NDUFA5: variants seen among roughly 807,000 people sequenced by gnomAD.
NDUFA5 encodes the protein NADH dehydrogenase [ubiquinone] 1 alpha subcomplex subunit 5.
NDUFA5 carries 11 observed loss-of-function variants against 19.8 expected under a neutral mutation model. The observed-to-expected ratio is 0.56, with a 90% confidence interval of 0.35 to 0.92. NDUFA5 has a LOEUF of 0.92. Among genes scored for constraint, NDUFA5 ranks in the 40% least tolerant of loss-of-function variants. The pLI is 0.01. For synonymous variants in NDUFA5, 47 were observed against 46.8 expected, an observed-to-expected ratio of 1.00 and a Z score of -0.01; for missense variants, 109 against 134.2, an observed-to-expected ratio of 0.81 and a Z score of 0.93.
upstream of NDUFA5, among the ~76,000 whole-genome samples, chr7:123,561,687 G>A (rs1300309243): frequency 2.6e-5 from 4 of 151,934 alleles, no homozygotes; most frequent in Admixed American, 2.0e-4. Flanking sequence ...AACCTCTGCT[G>A]CCCCAGTTCA....
At chr7:123,557,917 C>G (rs547406192), upstream of NDUFA5, 2 of 1,557,026 alleles carry the variant, frequency 1.3e-6, no homozygotes, top group Non-Finnish European at 8.8e-7. Context: ...CCTTCAGGAT[C>G]GCCAAAGGAG....
At chr7:123,568,028 T>A in the NDUFA5 span, among the ~76,000 whole-genome samples, 1 of 152,178 alleles carries the variant, frequency 6.6e-6, no homozygotes, top group South Asian at 2.1e-4. Context: ...TTTTCAGATA[T>A]GTTGATTTTC....
chr7:123,595,896 A>G, the NDUFA5 span, among the ~76,000 whole-genome samples: 1 of 152,250 alleles, frequency 6.6e-6, no homozygotes, highest in South Asian at 2.1e-4. Flanking sequence ...AAACAGCTTA[A>G]CCAAACCTCA....
intron 2 of NDUFA5, chr7:123,556,996 A>T: frequency 2.2e-6 from 1 of 461,492 alleles, no homozygotes; most frequent in Non-Finnish European, 4.3e-6. Context: ...TCGTGAATAC[A>T]GATGGAAAAG....
chr7:123,595,407 A>G, the NDUFA5 span, among the ~76,000 whole-genome samples: 3 of 152,160 alleles, frequency 2.0e-5, no homozygotes, highest in East Asian at 1.9e-4. Context: ...TTTGTCCTCT[A>G]TACCTTTCTG....
chr7:123,556,853 T>C (rs745811760), intron 2 of NDUFA5: 1 of 511,588 alleles, frequency 2.0e-6, no homozygotes, highest in Non-Finnish European at 3.9e-6. Flanking sequence ...CATTCAAGGG[T>C]GAATAAGAAA....
chr7:123,596,318 T>A, the NDUFA5 span: 1 of 152,056 alleles, frequency 6.6e-6, no homozygotes, highest in Non-Finnish European at 1.5e-5. Flanking sequence ...TGGATTTACA[T>A]TGAAATATTT....
chr7:123,592,183 T>C, the NDUFA5 span, among the ~76,000 whole-genome samples: 2 of 152,172 alleles, frequency 1.3e-5, no homozygotes, highest in South Asian at 4.1e-4. Context: ...TTGATTCTTA[T>C]CTCTTTTCTT....
At position 123,542,310 on chromosome 7, in the gene NDUFA5, C is replaced by T. The variant is rs1797970885; in HGVS notation, c.250-90G>A. The T allele has an allele frequency of 2.0e-5, 17 of 870,100 alleles. No homozygotes were observed. The East Asian group carries it at 4.6e-4, about 23-fold the overall frequency. The allele number at this position is 870,100 out of a possible 1,614,324, so 53.9% of individuals were successfully genotyped here. ...ACTGAAATTTAACTATTAGTTACTA[C>T]TTTCATTTAATATCTCATAATCTAT... On this transcript the variant is annotated intron_variant, in intron 4 of 4. Transcript: ENST00000355749.
chr7:123,596,771 G>A, the NDUFA5 span, among the ~76,000 whole-genome samples: 26 of 152,000 alleles, frequency 1.7e-4, no homozygotes, highest in African/African-American at 5.6e-4. Flanking sequence ...ATGTCATTAC[G>A]CATTAGCAAC....
intron 2 of NDUFA5, among the ~76,000 whole-genome samples, chr7:123,552,982 A>C (rs1444742249): frequency 6.6e-6 from 1 of 152,172 alleles, no homozygotes; most frequent in Non-Finnish European, 1.5e-5. Flanking sequence ...TACTTTCTCT[A>C]ATAAATCTGC....
At chr7:123,543,763 G>C (rs1483231498) in intron 4 of NDUFA5, among the ~76,000 whole-genome samples, 1 of 152,014 alleles carries the variant, frequency 6.6e-6, no homozygotes, top group Non-Finnish European at 1.5e-5. Flanking sequence ...AGGTGGTACA[G>C]AAAAGAGAAA....
the NDUFA5 span, among the ~76,000 whole-genome samples, chr7:123,570,098 G>A: frequency 7.4e-6 from 1 of 135,128 alleles, no homozygotes; most frequent in African/African-American, 2.8e-5. Flanking sequence ...GCAGTGGCAC[G>A]ATCTCGGCTC....
the NDUFA5 span, among the ~76,000 whole-genome samples, chr7:123,572,130 T>C: frequency 7.8e-6 from 1 of 127,704 alleles, no homozygotes; most frequent in Non-Finnish European, 1.6e-5. Context: ...TTGTAGAATT[T>C]CTTTTTTTTT....
chr7:123,570,800 T>C, the NDUFA5 span, among the ~76,000 whole-genome samples: 1 of 152,192 alleles, frequency 6.6e-6, no homozygotes, highest in Non-Finnish European at 1.5e-5. Flanking sequence ...CCATTTCCCA[T>C]TACCACTGCA....
chr7:123,591,533 C>T, the NDUFA5 span, among the ~76,000 whole-genome samples: 1 of 152,096 alleles, frequency 6.6e-6, no homozygotes, highest in Non-Finnish European at 1.5e-5. Context: ...TGTCGAAGGC[C>T]TTTTCTGCAC....
chr7:123,554,209 T>G (rs1798455735), intron 2 of NDUFA5, among the ~76,000 whole-genome samples: 1 of 152,192 alleles, frequency 6.6e-6, no homozygotes, highest in South Asian at 2.1e-4. Context: ...TACCATTAAT[T>G]TTTTTATTAT....
chr7:123,590,257 C>T, the NDUFA5 span, among the ~76,000 whole-genome samples: 1 of 151,858 alleles, frequency 6.6e-6, no homozygotes, highest in African/African-American at 2.4e-5. Flanking sequence ...AAAATTTTAT[C>T]CCATTCTGTA....
intron 3 of NDUFA5, 70 bp from the exon 4 acceptor site, chr7:123,545,746 A>T (rs753718409): frequency 4.7e-5 from 47 of 997,342 alleles, no homozygotes; most frequent in East Asian, 1.3e-4. Flanking sequence ...TATATATTTT[A>T]AAATTCCTAT....
Sources: allele counts gnomAD v4.1 joint callset (sites outside exome capture counted in the v4.1 genomes callset), GRCh38; gene constraint gnomAD v4.1.1; transcripts MANE v1.5; gene names NCBI Gene and HGNC (gene_info 2026-07-23, HGNC 2026-07-21).